The following AK9 variants were observed in gnomAD, a reference collection of about 807,000 sequenced individuals.
AK9 encodes adenylate kinase domain containing 1.
AK9 carries 191 observed loss-of-function variants against 239.6 expected under a neutral mutation model. The observed-to-expected ratio is 0.80, with a 90% CI of 0.71 to 0.90. AK9 has a LOEUF of 0.90. Ranked by LOEUF, AK9 falls within the 40% of genes least tolerant of loss-of-function variation. The pLI, the probability that AK9 is intolerant of heterozygous loss-of-function variation, is 0.00. For missense variants in AK9, 1,995 were observed against 2,214.7 expected (o/e 0.90, Z 1.99); for synonymous variants, 689 against 721.0 (o/e 0.96, Z 0.71).
intron 17 of AK9, among the ~76,000 whole-genome samples, chr6:109,594,846 T>C (rs531907577): frequency 3.3e-5 from 5 of 152,282 alleles, no homozygotes; most frequent in Non-Finnish European, 7.3e-5. Flanking sequence ...TTACACCTTA[T>C]ACAAAATTAA....
intron 12 of AK9, among the ~76,000 whole-genome samples, chr6:109,623,125 T>C (rs1317622407): frequency 1.3e-5 from 2 of 152,282 alleles, no homozygotes; most frequent in East Asian, 3.9e-4. Context: ...TTTTTTTTCC[T>C]ATTGAAGCTT....
chr6:109,591,434 G>T (rs1429824860), intron 17 of AK9, among the ~76,000 whole-genome samples: 1 of 151,826 alleles, frequency 6.6e-6, no homozygotes, highest in African/African-American at 2.4e-5. Flanking sequence ...TGGGTTTCTT[G>T]TATGCAGCAC....
rs1778154224 is a variant in AK9, at chr6:109,506,643, A to G, written c.4628+11T>C. 1.3e-6 allele frequency: 2 copies of G among 1,534,772 alleles called. No individual in the cohort carries two copies. Among genetic ancestry groups the G allele is most frequent in the Admixed American group, 2.0e-5 (1 of 49,602 alleles). On this transcript the variant is annotated intron_variant, in intron 34 of 40. Coordinates refer to ENST00000424296, the MANE Select transcript of AK9 (RefSeq NM_001145128.3). Reference sequence around the variant, plus strand: ...TTATTCCTTTTTTGTTGTCTTCATCATGTACATTACCTTTGTTCATTTTCT... The same window carrying G: ...TTATTCCTTTTTTGTTGTCTTCATCGTGTACATTACCTTTGTTCATTTTCT...
rs1583534603 is a variant in AK9, at chr6:109,674,210, T to C, written c.169A>G (p.Ile57Val). 2 of 1,580,510 alleles carry C rather than the reference T, an allele frequency of 1.3e-6. No individual in the cohort carries two copies. Among genetic ancestry groups the C allele is most frequent in the Non-Finnish European group, 1.7e-6 (2 of 1,167,008 alleles). The change falls in exon 3 of 41, where the codon ATT (isoleucine) becomes GTT (valine). Residue 57 changes from isoleucine (I) to valine (V), a missense_variant. By Grantham distance (29) the Ile-to-Val change is conservative. Transcript: ENST00000424296. ...AGATAAAATTTACCTTCAACACGAA[T>C]ACATTTCCATGCCTGTGTTATGTAA... ...ARYITQAWKCIRVEALPILEE... is the reference protein window; with the variant it reads ...ARYITQAWKCVRVEALPILEE...
intron 38 of AK9, among the ~76,000 whole-genome samples, chr6:109,495,933 T>G (rs1370274984): frequency 6.6e-6 from 1 of 151,996 alleles, no homozygotes; most frequent in African/African-American, 2.4e-5. Context: ...ACTTCCTTAT[T>G]GGGTCCTTCC....
intron 24 of AK9, among the ~76,000 whole-genome samples, chr6:109,555,386 T>C (rs949381825): frequency 4.6e-5 from 7 of 152,256 alleles, no homozygotes; most frequent in African/African-American, 1.4e-4. Flanking sequence ...CTGTTTGTTA[T>C]GATTTCAGTT....
chr6:109,659,163 C>A (rs1800081838), intron 7 of AK9, 65 bp downstream of exon 7: 3 of 1,430,472 alleles, frequency 2.1e-6, no homozygotes, highest in African/African-American at 2.9e-5. Context: ...CCTATACCAT[C>A]ATTTACCTTA....
At chr6:109,579,695 A>AT (rs1562442040) in intron 19 of AK9, 69 bp from the exon 20 acceptor site, 2 of 1,272,524 alleles carry the variant, frequency 1.6e-6, no homozygotes, top group Non-Finnish European at 1.1e-6. Context: ...ACAGGATTAA[A>AT]TGCTTATAGT....
chr6:109,509,592 T>A (rs1778473043), intron 32 of AK9, among the ~76,000 whole-genome samples: 1 of 151,998 alleles, frequency 6.6e-6, no homozygotes. Flanking sequence ...CCTCCTGCTC[T>A]ATGGAGCAGG....
At position 109,653,772 on chromosome 6, in the gene AK9, G is replaced by A. The variant is rs544836509; in HGVS notation, c.759+2984C>T. Reference sequence around the variant, plus strand: ...TGGTCTTGAACTCTTGGGCTCAAGTGATCTGCCCACCTTGGCCTCTCAAAG... The same window carrying A: ...TGGTCTTGAACTCTTGGGCTCAAGTAATCTGCCCACCTTGGCCTCTCAAAG... On this transcript the variant is annotated intron_variant, in intron 8 of 40. Transcript: ENST00000424296. Among the ~76,000 whole-genome samples, 23 of 151,616 alleles carry A rather than the reference G, an allele frequency of 1.5e-4. No individual in the cohort carries two copies. In the South Asian group the frequency reaches 4.6e-3, roughly 30 times the overall value.
intron 29 of AK9, among the ~76,000 whole-genome samples, chr6:109,520,632 A>T (rs1479943596): frequency 1.3e-5 from 2 of 151,876 alleles, no homozygotes; most frequent in Non-Finnish European, 2.9e-5. Context: ...AGAATAGTTT[A>T]AAAAATCTGT....
intron 12 of AK9, among the ~76,000 whole-genome samples, chr6:109,621,965 CAAA>C (rs1233821911): frequency 2.1e-5 from 1 of 48,116 alleles, no homozygotes; most frequent in Non-Finnish European, 4.6e-5. Context: ...AAAAAAAAAA[CAAA>C]AAAAACTGTC....
chr6:109,539,033 T>TA (rs1326980042), intron 27 of AK9, among the ~76,000 whole-genome samples: 2 of 152,222 alleles, frequency 1.3e-5, no homozygotes, highest in East Asian at 3.8e-4. Flanking sequence ...TGGCTGCCCT[T>TA]AAAATTTTCT....
In AK9 at chr6:109,614,290, A is replaced by T. The variant is rs1346340926; in HGVS notation, c.1502T>A (p.Ile501Asn). 1.3e-6 allele frequency: 2 copies of T among 1,551,340 alleles called. No individual in the cohort carries two copies. The highest frequency in any genetic ancestry group is 3.9e-5 in the Admixed American group (2 of 50,974). The change falls in exon 15 of 41, where the codon ATT becomes AAT. Residue 501 changes from isoleucine (I) to asparagine (N), a missense_variant. Ile to Asn is a moderately radical substitution (Grantham distance 149). Around this residue, in one of 5 missense-constraint regions of AK9, gnomAD observed 1,290 missense variants for 1,392.7 expected, o/e 0.93. Transcript: ENST00000424296. ...GCCTCTGTCCCTTTGGGAGCCTTGAATGTACCCTGCAATGAAAGAATAATA... is the reference window on the plus strand; with the variant it reads ...GCCTCTGTCCCTTTGGGAGCCTTGATTGTACCCTGCAATGAAAGAATAATA... ...THSSIDEEGY[I>N]QGSQRDRGSS... is the part of the protein sequence containing the mutation.
chr6:109,569,724 G>T (rs528444655), intron 21 of AK9, among the ~76,000 whole-genome samples: 13 of 152,004 alleles, frequency 8.6e-5, no homozygotes, highest in Non-Finnish European at 1.6e-4. Flanking sequence ...TCAAAACCAC[G>T]ATGAGATACC....
At chr6:109,659,078 G>T in intron 7 of AK9, 150 bp downstream of exon 7, 1 of 1,099,438 alleles carries the variant, frequency 9.1e-7, no homozygotes, top group Non-Finnish European at 1.2e-6. Flanking sequence ...TTGAAAACAT[G>T]AAAGATTTTT....
intron 39 of AK9, 47 bp downstream of exon 39, chr6:109,495,291 T>C (rs369007124): frequency 7.2e-7 from 1 of 1,381,066 alleles, no homozygotes; most frequent in African/African-American, 1.5e-5. Flanking sequence ...AAAGAAGAAG[T>C]CATTGTATTC....
intron 17 of AK9, among the ~76,000 whole-genome samples, chr6:109,607,132 C>A (rs754060425): frequency 1.3e-5 from 2 of 151,974 alleles, no homozygotes; most frequent in Non-Finnish European, 2.9e-5. Context: ...AAAATGGTTG[C>A]AGCAACAATT....
At chr6:109,560,182 A>G (rs1301885837) in intron 24 of AK9, among the ~76,000 whole-genome samples, 1 of 152,246 alleles carries the variant, frequency 6.6e-6, no homozygotes, top group Non-Finnish European at 1.5e-5. Context: ...TTGGCGTGCC[A>G]TTATTCAGCC....
Sources: allele counts gnomAD v4.1 joint callset (sites outside exome capture counted in the v4.1 genomes callset), GRCh38; gene constraint gnomAD v4.1.1; regional missense constraint gnomAD v4.1.1; transcripts MANE v1.5; gene names NCBI Gene and HGNC (gene_info 2026-07-23, HGNC 2026-07-21).